Variants in FHIT observed in about 807,000 individuals in gnomAD.
FHIT encodes bis(5'-adenosyl)-triphosphatase.
FHIT carries 19 observed loss-of-function variants against 17.9 expected under a neutral mutation model. The observed-to-expected ratio is 1.06, with a 90% CI of 0.74 to 1.56. The LOEUF (loss-of-function observed/expected upper bound fraction) is 1.56. FHIT is among the 40% of genes most tolerant of loss of function. FHIT has a pLI of 0.00. For missense variants in FHIT, 248 were observed against 189.2 expected, an observed-to-expected ratio of 1.31 and a Z score of -1.82; for synonymous variants, 81 against 69.7, an observed-to-expected ratio of 1.16 and a Z score of -0.81.
intron 3 of FHIT, among the ~76,000 whole-genome samples, chr3:60,917,986 A>T (rs1010425350): frequency 6.6e-6 from 1 of 152,198 alleles, no homozygotes; most frequent in Non-Finnish European, 1.5e-5. Context: ...TTGAATTGTA[A>T]CTCTTATAAT....
At position 60,714,955 on chromosome 3, in the gene FHIT, A is replaced by C. The variant is rs543625628; in HGVS notation, c.-18+106964T>G. On this transcript the variant is annotated intron_variant, in intron 4 of 9. Coordinates refer to ENST00000492590, the MANE Select transcript of FHIT (RefSeq NM_002012.4). ...ACTACTTTAAAGTTCATATGGAACC[A>C]AAAAAGAGCCCGCATCGCCAAGTCA... Among the ~76,000 whole-genome samples the C allele has an allele frequency of 2.0e-3, 309 of 152,294 alleles. 4 individuals are homozygous for C. Among genetic ancestry groups the C allele is most frequent in the East Asian group, 2.5e-3 (13 of 5,178 alleles).
At chr3:60,356,899 G>C (rs1023648753) in intron 5 of FHIT, among the ~76,000 whole-genome samples, 1 of 151,950 alleles carries the variant, frequency 6.6e-6, no homozygotes, top group African/African-American at 2.4e-5. Context: ...GATGCCAAAT[G>C]TGTGGCTAGA....
At chr3:60,096,473 C>G (rs900367866) in intron 5 of FHIT, among the ~76,000 whole-genome samples, 2 of 152,206 alleles carry the variant, frequency 1.3e-5, no homozygotes, top group African/African-American at 4.8e-5. Flanking sequence ...AGTTCTCACT[C>G]TGGGTCGCAG....
At chr3:61,137,597 G>A (rs2036954663) in intron 2 of FHIT, among the ~76,000 whole-genome samples, 1 of 152,228 alleles carries the variant, frequency 6.6e-6, no homozygotes, top group African/African-American at 2.4e-5. Context: ...GCCAGTGGAT[G>A]ACCCACTGTC....
chr3:60,616,735 A>G (rs2038963072), intron 4 of FHIT: 2 of 152,332 alleles, frequency 1.3e-5, no homozygotes, highest in Admixed American at 6.5e-5. Flanking sequence ...AATATTGTCA[A>G]GATATCAGTT....
rs59613851 is a variant in FHIT, at chr3:60,027,134, C to A, written c.104-12982G>T. 3.1e-3 allele frequency among the ~76,000 whole-genome samples: 368 copies of A among 119,736 alleles called. 3 individuals are homozygous for A. The highest frequency in any genetic ancestry group is 0.012 in the Middle Eastern group (3 of 252). The allele number at this position is 119,736 out of a possible 152,430, so 78.6% of individuals were successfully genotyped here. ...ACACACACACACACACACACACACA[C>A]ACACACACACACACAAAATTAGTAA... is the stretch of plus-strand genomic sequence containing the variant. On this transcript the variant is annotated intron_variant, in intron 5 of 9. Coordinates refer to ENST00000492590, the MANE Select transcript of FHIT (RefSeq NM_002012.4).
chr3:60,474,536 G>C (rs79901926), intron 5 of FHIT, among the ~76,000 whole-genome samples: 2 of 151,942 alleles, frequency 1.3e-5, no homozygotes, highest in African/African-American at 4.8e-5. Context: ...TTAATAATTA[G>C]GCAAGAAATC....
chr3:60,608,867 A>G (rs1394714089), intron 4 of FHIT, among the ~76,000 whole-genome samples: 1 of 152,146 alleles, frequency 6.6e-6, no homozygotes, highest in Admixed American at 6.5e-5. Context: ...CTCATTGAGT[A>G]TTTTTGTGTT....
intron 5 of FHIT, among the ~76,000 whole-genome samples, chr3:60,186,388 A>G (rs1195609715): frequency 6.6e-6 from 1 of 152,148 alleles, no homozygotes; most frequent in East Asian, 1.9e-4. Context: ...TCCTTTCTCC[A>G]TGTAGTCACT....
intron 1 of FHIT, among the ~76,000 whole-genome samples, chr3:61,227,801 C>T (rs2040006478): frequency 6.6e-6 from 1 of 152,086 alleles, no homozygotes; most frequent in Non-Finnish European, 1.5e-5. Flanking sequence ...TATGTTTGCC[C>T]TTTCTACTAA....
chr3:60,456,774 T>C (rs561728886), intron 5 of FHIT, among the ~76,000 whole-genome samples: 1 of 152,218 alleles, frequency 6.6e-6, no homozygotes, highest in South Asian at 2.1e-4. Context: ...AAGTTATTCT[T>C]AATGAAGACT....
At chr3:60,082,758 T>C (rs557005614) in intron 5 of FHIT, among the ~76,000 whole-genome samples, 8 of 152,262 alleles carry the variant, frequency 5.3e-5, no homozygotes, top group Admixed American at 1.3e-4. Context: ...GTTTGTTTGC[T>C]GCTTGTATGT....
At chr3:60,082,089 A>C (rs1274829580) in intron 5 of FHIT, among the ~76,000 whole-genome samples, 1 of 151,926 alleles carries the variant, frequency 6.6e-6, no homozygotes, top group African/African-American at 2.4e-5. Flanking sequence ...TGAGCATAGT[A>C]CCCAATAGCT....
At chr3:59,940,837 A>T (rs1294267976) in intron 7 of FHIT, among the ~76,000 whole-genome samples, 1 of 152,192 alleles carries the variant, frequency 6.6e-6, no homozygotes, top group African/African-American at 2.4e-5. Context: ...TGCCTTATAA[A>T]TGTAAGCTGC....
intron 8 of FHIT, among the ~76,000 whole-genome samples, chr3:59,883,439 G>A (rs1490420665): frequency 1.3e-5 from 2 of 152,202 alleles, no homozygotes; most frequent in African/African-American, 2.4e-5. Flanking sequence ...GCAGGCAAGA[G>A]AGAATGAGAA....
intron 4 of FHIT, among the ~76,000 whole-genome samples, chr3:60,802,752 A>C (rs1701236518): frequency 7.1e-6 from 1 of 141,788 alleles, no homozygotes; most frequent in African/African-American, 2.5e-5. Flanking sequence ...CAGAGGTGCC[A>C]GCATCAAATA....
chr3:60,924,626 C>T (rs1358139539), intron 3 of FHIT, among the ~76,000 whole-genome samples: 1 of 152,112 alleles, frequency 6.6e-6, no homozygotes, highest in Non-Finnish European at 1.5e-5. Flanking sequence ...AGCAGAAAAA[C>T]TGGAAACTCT....
At chr3:60,268,489 T>C (rs1366081346) in intron 5 of FHIT, among the ~76,000 whole-genome samples, 1 of 152,202 alleles carries the variant, frequency 6.6e-6, no homozygotes. Context: ...CAACATGACT[T>C]GGGACTGGCA....
At chr3:61,076,947 C>T (rs531504818) in intron 2 of FHIT, among the ~76,000 whole-genome samples, 2 of 152,222 alleles carry the variant, frequency 1.3e-5, no homozygotes, top group Admixed American at 6.5e-5. Context: ...AGTATTCATC[C>T]TTGTGCATCT....
Sources: allele counts gnomAD v4.1 joint callset (sites outside exome capture counted in the v4.1 genomes callset), GRCh38; gene constraint gnomAD v4.1.1; transcripts MANE v1.5; gene names NCBI Gene and HGNC (gene_info 2026-07-23, HGNC 2026-07-21).